The following SMG6 variants were observed in gnomAD, a reference collection of about 807,000 sequenced individuals.
SMG6 encodes the protein telomerase-binding protein EST1A.
SMG6 carries 66 observed loss-of-function variants against 142.2 expected under a neutral mutation model. The observed-to-expected ratio is 0.46, with a 90% CI of 0.38 to 0.57. The LOEUF (loss-of-function observed/expected upper bound fraction) is 0.57, where lower values mean the gene tolerates loss of function less well. SMG6 is among the 20% of genes least tolerant of loss of function. The pLI, the probability that SMG6 is intolerant of heterozygous loss-of-function variation, is 0.00. For synonymous variants in SMG6, 779 were observed against 702.4 expected, an observed-to-expected ratio of 1.11 and a Z score of -1.72; for missense variants, 1,793 against 1,832.0, an observed-to-expected ratio of 0.98 and a Z score of 0.39.
At chr17:2,203,379 G>A (rs113849958) in intron 10 of SMG6, among the ~76,000 whole-genome samples, 4,758 of 152,228 alleles carry the variant, frequency 0.031, 247 homozygotes, top group African/African-American at 0.11. Flanking sequence ...CCAGGAGAAC[G>A]AGGGCCTGCC....
chr17:2,061,437 G>A lies in SMG6; in HGVS notation c.*55C>T, dbSNP rs572844711. 2.7e-5 allele frequency: 41 copies of A among 1,508,638 alleles called. 1 individual carries two copies. The highest frequency in any genetic ancestry group is 2.3e-4 in the South Asian group (19 of 83,254). 93.5% of individuals were successfully genotyped at this position (1,508,638 alleles called of 1,614,324 possible). A position where few individuals can be genotyped will look rare whatever the true frequency, so the allele number is the denominator to read the frequency against. ...GGGCATCTTCCGTGCTACACTGGGC[G>A]CCTGGTGGCCTTTCAGGAACGGTTC... On this transcript the variant is annotated 3_prime_UTR_variant, in exon 19 of 19. Transcript: ENST00000263073.
intron 13 of SMG6, among the ~76,000 whole-genome samples, chr17:2,094,562 G>C (rs2068807283): frequency 6.6e-6 from 1 of 151,966 alleles, no homozygotes; most frequent in African/African-American, 2.4e-5. Context: ...TTTATTCTAA[G>C]ATGGGGTCTT....
chr17:2,162,257 A>T (rs1205797612), intron 13 of SMG6, among the ~76,000 whole-genome samples: 1 of 152,160 alleles, frequency 6.6e-6, no homozygotes, highest in African/African-American at 2.4e-5. Context: ...TCACGCCTGT[A>T]ATCCCAGCAC....
At chr17:2,114,970 GAAATAAAATAAAATAAAATA>G (rs143639119) in intron 13 of SMG6, among the ~76,000 whole-genome samples, 1 of 117,584 alleles carries the variant, frequency 8.5e-6, no homozygotes, top group Admixed American at 9.4e-5. Flanking sequence ...GAAATGAAAT[GAAATAAAATAAAATAAAATA>G]AAATAAAATA....
At chr17:2,264,687 A>G (rs1194815567) in intron 8 of SMG6, among the ~76,000 whole-genome samples, 1 of 152,028 alleles carries the variant, frequency 6.6e-6, no homozygotes, top group Non-Finnish European at 1.5e-5. Flanking sequence ...GGATCGCTTG[A>G]GCCCAGGAGT....
At chr17:2,291,528 A>C (rs1423671401) in intron 6 of SMG6, among the ~76,000 whole-genome samples, 1 of 152,174 alleles carries the variant, frequency 6.6e-6, no homozygotes. Flanking sequence ...AATGAGACAG[A>C]GGCAAAAACC....
chr17:2,192,236 CA>C (rs2072186509), intron 10 of SMG6, among the ~76,000 whole-genome samples: 1 of 152,244 alleles, frequency 6.6e-6, no homozygotes, highest in African/African-American at 2.4e-5. Flanking sequence ...TGCTTCTGAT[CA>C]ATTCCAGTGT....
chr17:2,094,687 G>C (rs960195461), intron 13 of SMG6: 2 of 152,100 alleles, frequency 1.3e-5, no homozygotes, highest in African/African-American at 4.8e-5. Context: ...GTCCAGCCTG[G>C]TATCTTTCTT....
chr17:2,069,806 C>T (rs141005031), intron 15 of SMG6, among the ~76,000 whole-genome samples: 89 of 152,322 alleles, frequency 5.8e-4, no homozygotes, highest in African/African-American at 2.0e-3. Context: ...CCTTGACCAG[C>T]GCAGTTTCCT....
At chr17:2,084,957 C>G (rs1469345949) in intron 14 of SMG6, among the ~76,000 whole-genome samples, 1 of 152,162 alleles carries the variant, frequency 6.6e-6, no homozygotes, top group Non-Finnish European at 1.5e-5. Context: ...AGCAGGGAAG[C>G]TGGCAGCAGT....
chr17:2,132,183 G>C (rs2070144231), intron 13 of SMG6, among the ~76,000 whole-genome samples: 1 of 152,116 alleles, frequency 6.6e-6, no homozygotes, highest in African/African-American at 2.4e-5. Context: ...AATTTATTTT[G>C]CTTATTTATT....
intron 10 of SMG6, among the ~76,000 whole-genome samples, chr17:2,199,554 A>AAAAT (rs201774067): frequency 0.031 from 4,694 of 151,302 alleles, 97 homozygotes; most frequent in South Asian, 0.064. Flanking sequence ...AAAATAAATA[A>AAAAT]AAATAAATAA....
intron 13 of SMG6, among the ~76,000 whole-genome samples, chr17:2,160,884 C>G (rs902322586): frequency 3.3e-5 from 5 of 151,972 alleles, no homozygotes; most frequent in Middle Eastern, 3.4e-3. Flanking sequence ...AATATATATT[C>G]TTTTACATAT....
intron 8 of SMG6, among the ~76,000 whole-genome samples, chr17:2,259,451 G>A (rs2074264037): frequency 2.0e-5 from 3 of 152,012 alleles, no homozygotes; most frequent in African/African-American, 7.2e-5. Flanking sequence ...ATGCCTGTAA[G>A]AGGATCACTT....
intron 13 of SMG6, among the ~76,000 whole-genome samples, chr17:2,130,266 C>CAAAA (rs903007543): frequency 0.01 from 398 of 39,518 alleles, 37 homozygotes; most frequent in Middle Eastern, 0.037. Context: ...GACTCCGTCT[C>CAAAA]AAAAAAAAAA....
At chr17:2,078,961 T>A (rs1274052370) in intron 15 of SMG6, among the ~76,000 whole-genome samples, 2 of 150,906 alleles carry the variant, frequency 1.3e-5, no homozygotes, top group Non-Finnish European at 2.9e-5. Flanking sequence ...TGAAGATAGG[T>A]CATCGGTGAT....
intron 13 of SMG6, among the ~76,000 whole-genome samples, chr17:2,126,907 T>G (rs111344476): frequency 1.3e-5 from 2 of 151,096 alleles, no homozygotes; most frequent in Non-Finnish European, 2.9e-5. Context: ...CGCACACACA[T>G]GCACACAGAC....
chr17:2,215,317 G>A (rs971798033), intron 10 of SMG6, among the ~76,000 whole-genome samples: 1 of 151,984 alleles, frequency 6.6e-6, no homozygotes, highest in Non-Finnish European at 1.5e-5. Flanking sequence ...ATACAGTCCC[G>A]GCTGATACAT....
chr17:2,251,107 G>A (rs555350916), intron 8 of SMG6, among the ~76,000 whole-genome samples: 1 of 151,320 alleles, frequency 6.6e-6, no homozygotes, highest in South Asian at 2.1e-4. Context: ...CATTTTTCCT[G>A]TCACAGAGAT....
Sources: gnomAD v4.1 joint callset for allele counts (sites outside exome capture counted in the v4.1 genomes callset) on GRCh38, gnomAD v4.1.1 for gene constraint, MANE v1.5 for transcripts, NCBI Gene and HGNC (gene_info 2026-07-23, HGNC 2026-07-21) for gene names.